NIPBL: variants seen among roughly 807,000 people sequenced by gnomAD.
NIPBL encodes NIPBL cohesin loading factor.
In NIPBL, 19 loss-of-function variants were observed where a neutral mutation model predicts 321.8. The ratio of observed to expected loss-of-function variants is 0.06; its 90% confidence interval spans 0.04 to 0.09. The LOEUF (loss-of-function observed/expected upper bound fraction) is 0.09, where lower values mean the gene tolerates loss of function less well. Among genes scored for constraint, NIPBL ranks in the 10% least tolerant of loss-of-function variants. The probability of loss-of-function intolerance (pLI) is 1.00; values close to 1 mark genes in which losing one functional copy is unlikely to be tolerated. For missense variants in NIPBL, 2,210 were observed against 3,327.0 expected (o/e 0.66, Z 8.26); for synonymous variants, 1,106 against 1,114.1 (o/e 0.99, Z 0.14).
At chr5:37,057,730 A>G (rs1318051343) in intron 43 of NIPBL, among the ~76,000 whole-genome samples, 1 of 152,240 alleles carries the variant, frequency 6.6e-6, no homozygotes, top group Non-Finnish European at 1.5e-5. Flanking sequence ...CAGAAAATTT[A>G]TGACACCATT....
chr5:37,034,652 G>A (rs1033968805), intron 32 of NIPBL, among the ~76,000 whole-genome samples: 2 of 152,034 alleles, frequency 1.3e-5, no homozygotes, highest in South Asian at 2.1e-4. Context: ...TTTAGAAAGT[G>A]GAAAATCAAA....
chr5:36,928,676 T>G (rs979179873), intron 1 of NIPBL, among the ~76,000 whole-genome samples: 4 of 152,138 alleles, frequency 2.6e-5, no homozygotes, highest in Non-Finnish European at 5.9e-5. Context: ...TGCAGTGAGT[T>G]CCCAACTCCC....
intron 4 of NIPBL, 140 bp downstream of exon 4, chr5:36,958,371 A>G: frequency 1.3e-6 from 1 of 756,878 alleles, no homozygotes; most frequent in African/African-American, 1.7e-5. Flanking sequence ...AGGAAACTAA[A>G]CTGATAAGAT....
intron 45 of NIPBL, among the ~76,000 whole-genome samples, chr5:37,063,224 C>G (rs1754978258): frequency 6.6e-6 from 1 of 152,094 alleles, no homozygotes. Flanking sequence ...AGTAGCTGAA[C>G]ATAAAATAAG....
intron 1 of NIPBL, among the ~76,000 whole-genome samples, chr5:36,918,228 G>A (rs942002526): frequency 6.6e-6 from 1 of 152,088 alleles, no homozygotes; most frequent in African/African-American, 2.4e-5. Flanking sequence ...TCTCCTTGAA[G>A]AGGTCCTTCA....
chr5:37,040,497 AT>A (rs896936915), intron 34 of NIPBL, among the ~76,000 whole-genome samples: 1 of 152,162 alleles, frequency 6.6e-6, no homozygotes, highest in Non-Finnish European at 1.5e-5. Flanking sequence ...TGTTAGGCAT[AT>A]TTGGTAATCT....
chr5:37,006,895 A>G (rs1747498228), intron 17 of NIPBL, among the ~76,000 whole-genome samples: 1 of 152,004 alleles, frequency 6.6e-6, no homozygotes, highest in South Asian at 2.1e-4. Context: ...GATTCAAGAT[A>G]AATACTCCTT....
intron 38 of NIPBL, among the ~76,000 whole-genome samples, chr5:37,048,005 TAATGTC>T (rs1308039535): frequency 6.6e-6 from 1 of 152,154 alleles, no homozygotes; most frequent in Non-Finnish European, 1.5e-5. Context: ...TTTTTTAAAA[TAATGTC>T]AATGTAGTAC....
rs781297222 is a variant in NIPBL, at chr5:37,045,554, G to A, written c.6455G>A (p.Arg2152Gln). Residue 2152 changes from arginine to glutamine, a missense_variant, in exon 37 of 47, where the codon CGG (arginine) becomes CAG (glutamine). Around this residue, in one of 14 missense-constraint regions of NIPBL, gnomAD observed 73 missense variants for 222.3 expected, o/e 0.33. Transcript: ENST00000282516. ...RSLFTVGALC[R>Q]HFDFDLEDFK... The stretch of plus-strand genomic sequence containing the variant: ...CTTTTCACCGTTGGAGCACTATGTC[G>A]GCATTTTGATTTTGATCTGGAAGAT... The A allele has an allele frequency of 1.2e-6, 2 of 1,613,924 alleles. No individual in the cohort carries two copies. Among genetic ancestry groups the A allele is most frequent in the Non-Finnish European group, 1.7e-6 (2 of 1,179,970 alleles).
chr5:36,907,464 G>A (rs140029427), intron 1 of NIPBL, among the ~76,000 whole-genome samples: 3 of 152,244 alleles, frequency 2.0e-5, no homozygotes, highest in Admixed American at 6.5e-5. Flanking sequence ...TTATTTATAA[G>A]TTTAAGACTC....
At chr5:37,043,039 T>G (rs1209098193) in intron 34 of NIPBL, among the ~76,000 whole-genome samples, 1 of 152,116 alleles carries the variant, frequency 6.6e-6, no homozygotes, top group East Asian at 1.9e-4. Context: ...AGTCTCTACC[T>G]GTTTTTTTAA....
At chr5:36,959,445 A>G (rs1741348349) in intron 4 of NIPBL, among the ~76,000 whole-genome samples, 1 of 152,202 alleles carries the variant, frequency 6.6e-6, no homozygotes, top group Non-Finnish European at 1.5e-5. Flanking sequence ...TAGCAAGTTG[A>G]AGGTAGGTAT....
In NIPBL at chr5:36,972,704, C is replaced by T. The variant is rs559557543; in HGVS notation, c.868+663C>T. ...TGGTTTTCACTGTTCTTTCTACCAT[C>T]CCATCTGTCTTAATGCTATTCCAGT... On this transcript the variant is annotated intron_variant, in intron 8 of 46. Coordinates refer to ENST00000282516, the MANE Select transcript of NIPBL (RefSeq NM_133433.4). Among the ~76,000 whole-genome samples the T allele has an allele frequency of 5.9e-5, 9 of 152,282 alleles. 1 individual carries two copies. In the South Asian group the frequency reaches 1.9e-3, roughly 32 times the overall value.
At chr5:36,886,439 G>A in intron 1 of NIPBL, 1 of 743,688 alleles carries the variant, frequency 1.3e-6, no homozygotes, top group Non-Finnish European at 2.5e-6. Context: ...ACCACCCGCT[G>A]GATAGTGGAT....
At chr5:37,024,209 G>A (rs1174297584) in intron 29 of NIPBL, among the ~76,000 whole-genome samples, 1 of 151,174 alleles carries the variant, frequency 6.6e-6, no homozygotes, top group Non-Finnish European at 1.5e-5. Context: ...CCAAAGGTTT[G>A]ATTAGATTCA....
intron 1 of NIPBL, among the ~76,000 whole-genome samples, chr5:36,890,671 C>T (rs898970554): frequency 6.6e-6 from 1 of 152,208 alleles, no homozygotes; most frequent in African/African-American, 2.4e-5. Context: ...TTAACCCAAG[C>T]CCATGTCTTC....
At chr5:36,950,345 C>T (rs891741571) in intron 1 of NIPBL, among the ~76,000 whole-genome samples, 1 of 152,060 alleles carries the variant, frequency 6.6e-6, no homozygotes, top group African/African-American at 2.4e-5. Context: ...GGATCACTTA[C>T]TATGTGCCAG....
At chr5:36,953,039 G>A (rs1222588515) in intron 1 of NIPBL, among the ~76,000 whole-genome samples, 1 of 152,132 alleles carries the variant, frequency 6.6e-6, no homozygotes, top group African/African-American at 2.4e-5. Context: ...AGTAGGAATG[G>A]GCTTCCTAGG....
Position 37,048,354 on chromosome 5 carries a change from G to A in NIPBL, c.6590-148G>A, listed in dbSNP as rs941314621. The A allele has an allele frequency of 8.0e-6, 3 of 374,758 alleles. No individual in the cohort carries two copies. In the East Asian group the frequency reaches 1.7e-4, roughly 21 times the overall value. The allele number at this position is 374,758 out of a possible 1,614,324, so 23.2% of individuals were successfully genotyped here. On this transcript the variant is annotated intron_variant, in intron 38 of 46. Transcript: ENST00000282516. ...AAGTACCTGCTCTAATGCTTCTCTA[G>A]GTAAGGCCACCAGCATATTCTTCCA...
Sources: gnomAD v4.1 joint callset for allele counts (sites outside exome capture counted in the v4.1 genomes callset) on GRCh38, gnomAD v4.1.1 for gene constraint, gnomAD v4.1.1 regional missense constraint, MANE v1.5 for transcripts, NCBI Gene and HGNC (gene_info 2026-07-23, HGNC 2026-07-21) for gene names.